IGSF5: variants seen among roughly 807,000 people sequenced by gnomAD.
IGSF5 encodes immunoglobulin superfamily 5 like.
In IGSF5, 41 loss-of-function variants were observed where a neutral mutation model predicts 39.4. The ratio of observed to expected loss-of-function variants is 1.04; its 90% CI spans 0.81 to 1.35. IGSF5 has a LOEUF of 1.35. Among genes scored for constraint, IGSF5 ranks in the 40% most tolerant of loss-of-function variants. The pLI, the probability that IGSF5 is intolerant of heterozygous loss-of-function variation, is 0.00. For missense variants in IGSF5, 487 were observed against 494.6 expected (o/e 0.98, Z 0.15); for synonymous variants, 183 against 175.3 (o/e 1.04, Z -0.34).
At chr21:39,730,201 C>CCTCTGT in the IGSF5 span, 1 of 152,150 alleles carries the variant, frequency 6.6e-6, no homozygotes, top group African/African-American at 2.4e-5. Context: ...CTGGCCTCTG[C>CCTCTGT]CTCTGTCTTA....
chr21:39,793,952 A>G (rs368317312), intron 8 of IGSF5, among the ~76,000 whole-genome samples: 1 of 152,236 alleles, frequency 6.6e-6, no homozygotes, highest in East Asian at 1.9e-4. Context: ...TTTGAGCCAT[A>G]TTCTCCCAGG....
intron 8 of IGSF5, among the ~76,000 whole-genome samples, chr21:39,796,074 T>C (rs941235657): frequency 6.6e-6 from 1 of 152,168 alleles, no homozygotes; most frequent in African/African-American, 2.4e-5. Flanking sequence ...AGAGCCTGGA[T>C]GCAGGATGTA....
chr21:39,742,090 G>C (rs1329592811), upstream of IGSF5, among the ~76,000 whole-genome samples: 2 of 151,740 alleles, frequency 1.3e-5, no homozygotes, highest in Non-Finnish European at 2.9e-5. Flanking sequence ...TGGACAAAAT[G>C]GGCATTCTTT....
intron 2 of IGSF5, among the ~76,000 whole-genome samples, chr21:39,763,089 GAC>G (rs2080069100): frequency 6.6e-6 from 1 of 152,166 alleles, no homozygotes; most frequent in Non-Finnish European, 1.5e-5. Context: ...CTGCTGATAA[GAC>G]ACAGCTGAGA....
the IGSF5 span, among the ~76,000 whole-genome samples, chr21:39,721,767 T>C: frequency 1.3e-5 from 2 of 151,426 alleles, no homozygotes; most frequent in African/African-American, 4.9e-5. Context: ...TCCTTTCTTC[T>C]TTCCATCCAT....
upstream of IGSF5, among the ~76,000 whole-genome samples, chr21:39,741,618 A>G (rs1051288662): frequency 6.6e-6 from 1 of 152,192 alleles, no homozygotes; most frequent in African/African-American, 2.4e-5. Context: ...GAACTGGCTC[A>G]AGTCTTGGGC....
chr21:39,732,177 G>GTGAAGCAGGACAGGACATTACCAC, the IGSF5 span, among the ~76,000 whole-genome samples: 1 of 152,182 alleles, frequency 6.6e-6, no homozygotes, highest in Non-Finnish European at 1.5e-5. Flanking sequence ...GCTGACCCAT[G>GTGAAGCAGGACAGGACATTACCAC]TGAAGCAGGA....
chr21:39,727,585 C>T, the IGSF5 span, among the ~76,000 whole-genome samples: 7 of 152,346 alleles, frequency 4.6e-5, no homozygotes, highest in Middle Eastern at 3.4e-3. Context: ...CCATCATAAG[C>T]GCTGATAGAA....
chr21:39,762,894 C>T (rs1320853388), intron 2 of IGSF5, among the ~76,000 whole-genome samples: 2 of 152,022 alleles, frequency 1.3e-5, no homozygotes. Context: ...AGCTAGTGGC[C>T]ACAGGGAGGT....
intron 7 of IGSF5, 90 bp from the exon 8 acceptor site, chr21:39,793,444 G>A: frequency 9.9e-7 from 1 of 1,014,532 alleles, no homozygotes; most frequent in Non-Finnish European, 1.5e-6. Context: ...CTACATAAAA[G>A]CAAATGTGTT....
chr21:39,745,617 C>G (rs1362525782), intron 1 of IGSF5, 91 bp downstream of exon 1: 5 of 689,818 alleles, frequency 7.2e-6, no homozygotes, highest in Non-Finnish European at 1.3e-5. Context: ...GGGACGACAG[C>G]TTTCTGCCTC....
At chr21:39,736,919 A>G in the IGSF5 span, among the ~76,000 whole-genome samples, 3 of 152,198 alleles carry the variant, frequency 2.0e-5, no homozygotes, top group African/African-American at 7.2e-5. Context: ...GACAGAGGCC[A>G]AGAGATTACA....
At chr21:39,719,271 G>A in the IGSF5 span, among the ~76,000 whole-genome samples, 1 of 152,126 alleles carries the variant, frequency 6.6e-6, no homozygotes, top group African/African-American at 2.4e-5. Context: ...CGTGTAGCTG[G>A]GGCTACAGGT....
At chr21:39,736,928 C>T in the IGSF5 span, among the ~76,000 whole-genome samples, 12 of 152,292 alleles carry the variant, frequency 7.9e-5, no homozygotes, top group Non-Finnish European at 1.8e-4. Context: ...CAAGAGATTA[C>T]AAAGCACACA....
intron 7 of IGSF5, 68 bp from the exon 8 acceptor site, chr21:39,793,466 C>G (rs1400081367): frequency 8.4e-7 from 1 of 1,197,098 alleles, no homozygotes; most frequent in Non-Finnish European, 1.2e-6. Flanking sequence ...CTTTATAAAT[C>G]AGAATTGTTA....
At chr21:39,781,556 C>T (rs1207555420) in intron 5 of IGSF5, among the ~76,000 whole-genome samples, 1 of 152,152 alleles carries the variant, frequency 6.6e-6, no homozygotes, top group Admixed American at 6.6e-5. Context: ...TGCCAAATTT[C>T]CCTCCAGCAA....
Position 39,765,865 on chromosome 21 carries a change from G to C in IGSF5, c.418+13G>C. ...CTTACCGTCCAAGGTGTGTATGCAG[G>C]TGGCTTCTGAAGTCCATCAGGTTAA... On this transcript the variant is annotated intron_variant, in intron 3 of 8. Coordinates refer to ENST00000380588, the MANE Select transcript of IGSF5 (RefSeq NM_001080444.2). 6.2e-7 allele frequency: 1 copy of C among 1,603,122 alleles called. No homozygotes were observed. Among genetic ancestry groups the C allele is most frequent in the Non-Finnish European group, 8.5e-7 (1 of 1,171,512 alleles).
At chr21:39,713,931 A>G in the IGSF5 span, among the ~76,000 whole-genome samples, 3 of 152,166 alleles carry the variant, frequency 2.0e-5, no homozygotes, top group Non-Finnish European at 4.4e-5. Flanking sequence ...TTCAGCCTTA[A>G]TGTGTCCACA....
chr21:39,789,386 T>A (rs568173276), intron 6 of IGSF5, among the ~76,000 whole-genome samples: 1 of 152,270 alleles, frequency 6.6e-6, no homozygotes, highest in African/African-American at 2.4e-5. Flanking sequence ...TTTGTAGAAT[T>A]TTTTGTCTGA....
Sources: allele counts gnomAD v4.1 joint callset (sites outside exome capture counted in the v4.1 genomes callset), GRCh38; gene constraint gnomAD v4.1.1; transcripts MANE v1.5; gene names NCBI Gene and HGNC (gene_info 2026-07-23, HGNC 2026-07-21).